The following ITGBL1 variants were observed in gnomAD, a reference collection of about 807,000 sequenced individuals.
ITGBL1 encodes integrin subunit beta like 1.
A neutral mutation model predicts 68.5 loss-of-function variants in ITGBL1; 51 were observed. The observed-to-expected ratio is 0.74, with a 90% CI of 0.59 to 0.94. The LOEUF is 0.94. ITGBL1 is among the 40% of genes least tolerant of loss of function. The pLI, the probability that ITGBL1 is intolerant of heterozygous loss-of-function variation, is 0.00. For missense variants in ITGBL1, 649 were observed against 647.4 expected, an observed-to-expected ratio of 1.00 and a Z score of -0.03; for synonymous variants, 209 against 227.3, an observed-to-expected ratio of 0.92 and a Z score of 0.72.
intron 2 of ITGBL1, among the ~76,000 whole-genome samples, chr13:101,483,937 G>A (rs1354165729): frequency 6.6e-6 from 1 of 152,092 alleles, no homozygotes; most frequent in Non-Finnish European, 1.5e-5. Flanking sequence ...ACACAGCAGG[G>A]CCTCAGATAT....
chr13:101,579,319 T>G lies in ITGBL1; in HGVS notation c.619T>G (p.Cys207Gly), dbSNP rs1566740279. The G allele has an allele frequency of 6.2e-7, 1 of 1,613,948 alleles. No individual in the cohort carries two copies. The highest frequency in any genetic ancestry group is 8.5e-7 in the Non-Finnish European group (1 of 1,179,856). The change falls in exon 5 of 11, where the codon TGC becomes GGC. Residue 207 changes from cysteine (C) to glycine (G), a missense_variant. By Grantham distance (159) the Cys-to-Gly change is radical. Transcript: ENST00000376180. ...GAAGTGTTACTGTGGAAACTGCTAC[T>G]GCAAGGCTGGTTGGCATGGAGATAA... ...HGKCYCGNCYCKAGWHGDKCE... is the reference protein window; with the variant it reads ...HGKCYCGNCYGKAGWHGDKCE...
At chr13:101,618,910 A>C (rs2031477174) in intron 7 of ITGBL1, among the ~76,000 whole-genome samples, 1 of 152,178 alleles carries the variant, frequency 6.6e-6, no homozygotes, top group Admixed American at 6.6e-5. Context: ...TGAAATGGTC[A>C]GGTTTGAACC....
intron 2 of ITGBL1, among the ~76,000 whole-genome samples, chr13:101,483,649 G>C (rs548239839): frequency 1.3e-5 from 2 of 152,250 alleles, no homozygotes; most frequent in African/African-American, 4.8e-5. Context: ...GGCTAGTGTG[G>C]AGGATAGGCT....
At chr13:101,598,665 T>C (rs1284283337) in intron 7 of ITGBL1, among the ~76,000 whole-genome samples, 2 of 152,154 alleles carry the variant, frequency 1.3e-5, no homozygotes, top group African/African-American at 4.8e-5. Flanking sequence ...AATTCCCACC[T>C]ATGAGTGAGA....
At chr13:101,679,690 G>A (rs2033595217) in intron 7 of ITGBL1, among the ~76,000 whole-genome samples, 1 of 152,118 alleles carries the variant, frequency 6.6e-6, no homozygotes, top group African/African-American at 2.4e-5. Flanking sequence ...TTAGAAAAAG[G>A]TGAATCTTGA....
At chr13:101,667,046 C>T (rs73558016) in intron 7 of ITGBL1, among the ~76,000 whole-genome samples, 2,619 of 152,276 alleles carry the variant, frequency 0.017, 81 homozygotes, top group African/African-American at 0.058. Context: ...ATCTGTCGCT[C>T]TCCAGAGATT....
At position 101,604,879 on chromosome 13, in the gene ITGBL1, T is replaced by TACAC. The variant is rs1307529776; in HGVS notation, c.1015+6581_1015+6582insCACA. On this transcript the variant is annotated intron_variant, in intron 7 of 10. Transcript: ENST00000376180. ...ATATATATATATATATATATATATA[T>TACAC]ATATATATACACACACACACACATA... is the stretch of plus-strand genomic sequence containing the variant. 2.5e-3 allele frequency among the ~76,000 whole-genome samples: 33 copies of TACAC among 13,316 alleles called. 1 individual carries two copies. The highest frequency in any genetic ancestry group is 0.022 in the South Asian group (5 of 232). 8.7% of individuals were successfully genotyped at this position (13,316 alleles called of 152,430 possible). A position where few individuals can be genotyped will look rare whatever the true frequency, so the allele number is the denominator to read the frequency against.
At chr13:101,609,974 T>C (rs1030028081) in intron 7 of ITGBL1, among the ~76,000 whole-genome samples, 1 of 152,160 alleles carries the variant, frequency 6.6e-6, no homozygotes, top group South Asian at 2.1e-4. Flanking sequence ...GTGAAATTCT[T>C]TGGCTAAGAT....
intron 7 of ITGBL1, among the ~76,000 whole-genome samples, chr13:101,611,928 T>C (rs1176179907): frequency 6.6e-6 from 1 of 152,180 alleles, no homozygotes; most frequent in African/African-American, 2.4e-5. Context: ...CTACGTCTCA[T>C]GAGAATCATG....
intron 2 of ITGBL1, among the ~76,000 whole-genome samples, chr13:101,527,397 G>A (rs1443666446): frequency 6.6e-6 from 1 of 152,062 alleles, no homozygotes; most frequent in Non-Finnish European, 1.5e-5. Flanking sequence ...GCATGCTTTT[G>A]AGATTCATCC....
At chr13:101,494,187 GTTTGT>G (rs1043400992) in intron 2 of ITGBL1, among the ~76,000 whole-genome samples, 5 of 152,242 alleles carry the variant, frequency 3.3e-5, no homozygotes, top group African/African-American at 1.2e-4. Flanking sequence ...ATTTTTGTTT[GTTTGT>G]TTTGTTTTAA....
intron 3 of ITGBL1, among the ~76,000 whole-genome samples, chr13:101,572,059 G>T (rs1566737029): frequency 6.6e-6 from 1 of 152,112 alleles, no homozygotes; most frequent in African/African-American, 2.4e-5. Context: ...TATATTCAGT[G>T]TTACATTTAA....
intron 3 of ITGBL1, among the ~76,000 whole-genome samples, chr13:101,572,429 A>G (rs755129159): frequency 2.6e-5 from 4 of 152,108 alleles, no homozygotes; most frequent in Non-Finnish European, 5.9e-5. Flanking sequence ...GCACCACTGT[A>G]CAGGAGTGTG....
chr13:101,680,600 A>G (rs1042901755), intron 7 of ITGBL1, among the ~76,000 whole-genome samples: 1 of 151,922 alleles, frequency 6.6e-6, no homozygotes, highest in African/African-American at 2.4e-5. Context: ...GAGTAATTGA[A>G]CTCCAAGCCT....
chr13:101,659,292 T>G (rs2033020965), intron 7 of ITGBL1, among the ~76,000 whole-genome samples: 1 of 152,180 alleles, frequency 6.6e-6, no homozygotes, highest in Admixed American at 6.5e-5. Context: ...GTATTTTAAC[T>G]ACACCTATTT....
chr13:101,618,731 T>G (rs534957963), intron 7 of ITGBL1, among the ~76,000 whole-genome samples: 13 of 152,298 alleles, frequency 8.5e-5, no homozygotes, highest in African/African-American at 3.1e-4. Flanking sequence ...ATCTGAATCT[T>G]GTCTACTGCA....
At chr13:101,633,421 T>C (rs1320842891) in intron 7 of ITGBL1, among the ~76,000 whole-genome samples, 1 of 152,180 alleles carries the variant, frequency 6.6e-6, no homozygotes, top group Non-Finnish European at 1.5e-5. Flanking sequence ...TCTCGTTGAT[T>C]TACTGAAATA....
At chr13:101,519,012 C>G (rs1433088267) in intron 2 of ITGBL1, among the ~76,000 whole-genome samples, 1 of 152,126 alleles carries the variant, frequency 6.6e-6, no homozygotes, top group Admixed American at 6.5e-5. Flanking sequence ...GTTGTAAAGA[C>G]AGATACATGC....
chr13:101,583,610 G>A (rs1484044324), intron 6 of ITGBL1, among the ~76,000 whole-genome samples: 1 of 152,054 alleles, frequency 6.6e-6, no homozygotes, highest in Admixed American at 6.6e-5. Context: ...ATTTCACATT[G>A]CATGCCCGTA....
Sources: gnomAD v4.1 joint callset for allele counts (sites outside exome capture counted in the v4.1 genomes callset) on GRCh38, gnomAD v4.1.1 for gene constraint, MANE v1.5 for transcripts, NCBI Gene and HGNC (gene_info 2026-07-23, HGNC 2026-07-21) for gene names.